PHRF1: variants seen among roughly 807,000 people sequenced by gnomAD.
PHRF1 encodes the protein PHD and ring finger domains 1.
Under a neutral mutation model 128.9 loss-of-function variants are expected in PHRF1, and 53 were observed. The ratio of observed to expected loss-of-function variants is 0.41; its 90% CI spans 0.33 to 0.52. The LOEUF (loss-of-function observed/expected upper bound fraction) is 0.52. Ranked by LOEUF, PHRF1 falls within the 20% of genes least tolerant of loss-of-function variation. The probability of loss-of-function intolerance (pLI) is 0.21; values close to 1 mark genes in which losing one functional copy is unlikely to be tolerated. For synonymous variants in PHRF1, 1,178 were observed against 980.6 expected (o/e 1.20, Z -3.76); for missense variants, 2,503 against 2,284.5 (o/e 1.10, Z -1.95).
Position 581,235 on chromosome 11 carries a change from G to C in PHRF1, c.-21-257G>C, listed in dbSNP as rs139460704. On this transcript the variant is annotated intron_variant, in intron 1 of 17. Transcript: ENST00000264555. ...TCATGTGTAAGGCTTACTGGTGAGGGTTGTTCTGTGGGTGATATCTTAGGG... is the reference window on the plus strand; with the variant it reads ...TCATGTGTAAGGCTTACTGGTGAGGCTTGTTCTGTGGGTGATATCTTAGGG... Among the ~76,000 whole-genome samples, 13 of 152,276 alleles carry C rather than the reference G, an allele frequency of 8.5e-5. 1 individual carries two copies. The East Asian group carries it at 2.5e-3, about 29-fold the overall frequency.
Position 581,645 on chromosome 11 carries a change from G to C in PHRF1, c.94+39G>C, listed in dbSNP as rs369483906. ...CGCCGGGTAGGGGCGTCCCCAGGAG[G>C]AGCAGGGTGCCTGGTGTTTCCCTTT... On this transcript the variant is annotated intron_variant, in intron 2 of 17. Transcript: ENST00000264555. The C allele has an allele frequency of 4.5e-6, 7 of 1,561,308 alleles. No homozygotes were observed. The African/African-American group carries it at 9.5e-5, about 21-fold the overall frequency.
chr11:595,055 A>G (rs1855202044), intron 6 of PHRF1, among the ~76,000 whole-genome samples: 2 of 152,206 alleles, frequency 1.3e-5, no homozygotes, highest in Admixed American at 6.5e-5. Flanking sequence ...AAAATTACTC[A>G]GTTCCTCATG....
At position 608,052 on chromosome 11, in the gene PHRF1, A is replaced by C; in HGVS notation, c.2596A>C (p.Asn866His). 1 of 1,611,386 alleles carries C rather than the reference A, an allele frequency of 6.2e-7. No homozygotes were observed. The highest frequency in any genetic ancestry group is 8.5e-7 in the Non-Finnish European group (1 of 1,179,810). ...PSEITRTISI[N>H]SPKAQTVQAV... The stretch of plus-strand genomic sequence containing the variant: ...TGAGATCACACGAACCATCTCCATC[A>C]ACAGCCCGAAGGCCCAGACGGTGCA... The change falls in exon 14 of 18, where the codon AAC becomes CAC. Residue 866 changes from asparagine (N) to histidine (H), a missense_variant. By Grantham distance (68) the Asn-to-His change is moderately conservative. Transcript: ENST00000264555.
chr11:577,159 T>C (rs1003955459), intron 1 of PHRF1, among the ~76,000 whole-genome samples: 1 of 152,180 alleles, frequency 6.6e-6, no homozygotes, highest in African/African-American at 2.4e-5. Flanking sequence ...ATTCCTTAAC[T>C]CTTGCAGTCC....
chr11:590,952 C>T (rs1854935015), intron 4 of PHRF1, among the ~76,000 whole-genome samples: 1 of 152,220 alleles, frequency 6.6e-6, no homozygotes, highest in African/African-American at 2.4e-5. Flanking sequence ...ATCTGCCTGC[C>T]TCGGCCTCCC....
chr11:595,703 G>A (rs930981831), intron 6 of PHRF1, among the ~76,000 whole-genome samples: 3 of 152,246 alleles, frequency 2.0e-5, no homozygotes, highest in East Asian at 3.8e-4. Flanking sequence ...CCTTCTGCTC[G>A]GGCCTCAGGT....
chr11:580,598 A>G (rs1446843107), intron 1 of PHRF1, among the ~76,000 whole-genome samples: 1 of 152,198 alleles, frequency 6.6e-6, no homozygotes, highest in Non-Finnish European at 1.5e-5. Context: ...CGTGTCACTG[A>G]GGCCCCTCTT....
chr11:592,564 A>G lies in PHRF1; in HGVS notation c.510A>G (p.Pro170=), dbSNP rs776327896. ...GACCGACGATTCTGTCCTAGATCCC[A>G]GTGGAGAACACCAAAGCGAGCGAGG... ...QFGGKILRKI[P]VENTKASEEE... Residue 170 remains proline (P), a synonymous_variant, in exon 6 of 18, where the codon CCA becomes CCG. Transcript: ENST00000264555. 6.2e-7 allele frequency: 1 copy of G among 1,614,000 alleles called. No homozygotes were observed. Among genetic ancestry groups the G allele is most frequent in the African/African-American group, 1.3e-5 (1 of 75,062 alleles).
chr11:608,657 G>T lies in PHRF1; in HGVS notation c.3201G>T (p.Arg1067Ser). The T allele has an allele frequency of 6.2e-7, 1 of 1,612,456 alleles. No individual in the cohort carries two copies. Residue 1067 changes from arginine (R) to serine (S), a missense_variant, in exon 14 of 18, where the codon AGG becomes AGT. Coordinates refer to ENST00000264555, the MANE Select transcript of PHRF1 (RefSeq NM_001286581.2). ...CCAGCAGCCGAGAGCGAGCTAAGAG[G>T]AAGAAAGCCAAGGACAAGAGCAGGG... ...DRSSSRERAK[R>S]KKAKDKSREH...
At chr11:603,729 G>GTTTTTTTTTTTTTTTTTTTTTTTT (rs71022937) in intron 10 of PHRF1, among the ~76,000 whole-genome samples, 1 of 78,228 alleles carries the variant, frequency 1.3e-5, no homozygotes. Context: ...ATTTAAGTTT[G>GTTTTTTTTTTTTTTTTTTTTTTTT]TTTTTTTTTT....
In PHRF1 at chr11:597,231, C is replaced by T. The variant is rs921939542; in HGVS notation, c.719-164C>T. On this transcript the variant is annotated intron_variant, in intron 7 of 17. Transcript: ENST00000264555. This position sits in a 1 kb window ranked among gnomAD's most constrained non-coding sequence, Gnocchi z 6.5. ...GTGGGGTCCATTGGCTGGGGGGTTC[C>T]GGTCCTCAGTGTTAGGAGCACCAGG... is the stretch of plus-strand genomic sequence containing the variant. Among the ~76,000 whole-genome samples the T allele has an allele frequency of 2.0e-5, 3 of 151,884 alleles. No homozygotes were observed. The highest frequency in any genetic ancestry group is 4.4e-5 in the Non-Finnish European group (3 of 67,958).
In PHRF1 at chr11:607,124, G is replaced by C. The variant is rs746149706; in HGVS notation, c.1668G>C (p.Lys556Asn). The change falls in exon 14 of 18, where the codon AAG (lysine) becomes AAC (asparagine). Residue 556 changes from lysine to asparagine, a missense_variant. Transcript: ENST00000264555. ...GSLSRGEEGF[K>N]GCLQPRALPS... is the part of the protein sequence containing the mutation. ...TGTCCAGAGGGGAAGAAGGATTCAA[G>C]GGCTGCCTGCAGCCCCGAGCACTGC... 3.2e-5 allele frequency: 51 copies of C among 1,611,586 alleles called. No homozygotes were observed. Among genetic ancestry groups the C allele is most frequent in the Non-Finnish European group, 3.7e-5 (44 of 1,178,908 alleles).
chr11:593,835 A>G (rs929561551), intron 6 of PHRF1, among the ~76,000 whole-genome samples: 1 of 152,142 alleles, frequency 6.6e-6, no homozygotes. Context: ...ACATTCGCAG[A>G]CACCTCGCCG....
chr11:581,382 G>A (rs1220036058), intron 1 of PHRF1, 110 bp from the exon 2 acceptor site: 2 of 828,614 alleles, frequency 2.4e-6, no homozygotes, highest in Non-Finnish European at 3.8e-6. Flanking sequence ...ACGTGCTGTG[G>A]CGGTGGATGT....
At chr11:610,151 G>T in intron 14 of PHRF1, 45 bp from the exon 15 acceptor site, 1 of 1,460,800 alleles carries the variant, frequency 6.8e-7, no homozygotes, top group South Asian at 1.4e-5. Context: ...ATTCTGGGCA[G>T]GGGTGGGCAC....
In PHRF1 at chr11:610,584, G is replaced by A. The variant is rs370743307; in HGVS notation, c.4500G>A (p.Gln1500=). The part of the protein sequence containing the change: ...PCALVSQPTV[Q]FILQGSLPLV... ...CACTGGTCAGCCAGCCCACGGTCCA[G>A]TTCATCCTTCAGGGGAGCCTGCCGC... is the stretch of plus-strand genomic sequence containing the variant. The change falls in exon 16 of 18, where the codon CAG becomes CAA. Residue 1500 remains glutamine, a synonymous_variant. Coordinates refer to ENST00000264555, the MANE Select transcript of PHRF1 (RefSeq NM_001286581.2). 5.0e-6 allele frequency: 8 copies of A among 1,606,480 alleles called. No individual in the cohort carries two copies. Among genetic ancestry groups the A allele is most frequent in the Non-Finnish European group, 6.8e-6 (8 of 1,179,782 alleles).
chr11:606,595 G>A lies in PHRF1; in HGVS notation c.1608G>A (p.Ala536=), dbSNP rs765345816. The change falls in exon 13 of 18, where the codon GCG becomes GCA. Residue 536 remains alanine, a splice_region_variant and synonymous_variant. Transcript: ENST00000264555. ...HRDGSLSAKR[A]APVSFQRNSG... ...ACGGCTCCCTCAGCGCCAAGAGGGC[G>A]GGTGAGTGCCTTCCCTGCCACGGCC... 5.6e-6 allele frequency: 9 copies of A among 1,599,318 alleles called. No homozygotes were observed. Among genetic ancestry groups the A allele is most frequent in the Middle Eastern group, 1.7e-4 (1 of 6,018 alleles).
intron 4 of PHRF1, among the ~76,000 whole-genome samples, chr11:588,372 C>T (rs1854712571): frequency 6.6e-6 from 1 of 151,148 alleles, no homozygotes; most frequent in African/African-American, 2.4e-5. Context: ...CAGACTTAGA[C>T]TTTTCTTTTT....
Position 608,967 on chromosome 11 carries a change from A to G in PHRF1, c.3511A>G (p.Arg1171Gly), listed in dbSNP as rs1474030006. Residue 1171 changes from arginine to glycine, a missense_variant, in exon 14 of 18, where the codon AGG becomes GGG. Coordinates refer to ENST00000264555, the MANE Select transcript of PHRF1 (RefSeq NM_001286581.2). ...RRSRSPSSEH[R>G]AREHRRPRSR... is the part of the protein sequence containing the mutation. ...GTCCCGGTCCCCAAGCTCGGAGCACAGGGCACGGGAGCACAGGCGGCCTCG... is the reference window on the plus strand; with the variant it reads ...GTCCCGGTCCCCAAGCTCGGAGCACGGGGCACGGGAGCACAGGCGGCCTCG... 6.2e-7 allele frequency: 1 copy of G among 1,610,114 alleles called. No individual in the cohort carries two copies. Among genetic ancestry groups the G allele is most frequent in the Admixed American group, 1.7e-5 (1 of 59,586 alleles).
Sources: allele counts gnomAD v4.1 joint callset (sites outside exome capture counted in the v4.1 genomes callset), GRCh38; gene constraint gnomAD v4.1.1; non-coding constraint Gnocchi (gnomAD v3.1); transcripts MANE v1.5; gene names NCBI Gene and HGNC (gene_info 2026-07-23, HGNC 2026-07-21).